EPN1: variants seen among roughly 807,000 people sequenced by gnomAD.
EPN1 encodes epsin-1.
In EPN1, 25 loss-of-function variants were observed where a neutral mutation model predicts 56.9. That is an observed-to-expected ratio of 0.44 (90% CI 0.32 to 0.61). EPN1 has a LOEUF of 0.61. Ranked by LOEUF, EPN1 falls within the 20% of genes least tolerant of loss-of-function variation. The pLI is 0.05. For missense variants in EPN1, 785 were observed against 823.7 expected (o/e 0.95, Z 0.58); for synonymous variants, 411 against 361.8 (o/e 1.14, Z -1.54).
In EPN1 at chr19:55,703,217, C is replaced by T. The variant is rs558214323; in HGVS notation, c.*7861C>T. 1.3e-5 allele frequency: 2 copies of T among 152,520 alleles called. No homozygotes were observed. Among genetic ancestry groups the T allele is most frequent in the East Asian group, 1.9e-4 (1 of 5,178 alleles). The allele number at this position is 152,520 out of a possible 1,614,324, so 9.4% of individuals were successfully genotyped here. A position where few individuals can be genotyped will look rare whatever the true frequency, so the allele number is the denominator to read the frequency against. On this transcript the variant is annotated 3_prime_UTR_variant, in exon 11 of 11. Transcript: ENST00000270460. ...TGTGTGTGGCCACGTGTGTTTCTGT[C>T]CTGGACAACACTGTCCGGAGGGGCC...
chr19:55,684,123 C>T (rs1986010682), intron 2 of EPN1, among the ~76,000 whole-genome samples: 1 of 152,182 alleles, frequency 6.6e-6, no homozygotes, highest in Non-Finnish European at 1.5e-5. Flanking sequence ...TCTCTGATTA[C>T]ACTGTAAATA....
In EPN1 at chr19:55,708,753, A is replaced by C. The variant is rs534607860; in HGVS notation, c.*13397A>C. 3 of 526,204 alleles carry C rather than the reference A, an allele frequency of 5.7e-6. No homozygotes were observed. Among genetic ancestry groups the C allele is most frequent in the South Asian group, 8.0e-5 (2 of 24,890 alleles). 32.6% of individuals were successfully genotyped at this position (526,204 alleles called of 1,614,324 possible). A position where few individuals can be genotyped will look rare whatever the true frequency, so the allele number is the denominator to read the frequency against. Reference sequence around the variant, plus strand: ...CAAAGACAATCAGCATGTACACTGAATCACACTCCATAATCATATTGCTAG... The same window carrying C: ...CAAAGACAATCAGCATGTACACTGACTCACACTCCATAATCATATTGCTAG... On this transcript the variant is annotated 3_prime_UTR_variant, in exon 11 of 11. Coordinates refer to ENST00000270460, the MANE Select transcript of EPN1 (RefSeq NM_001130072.2).
At position 55,702,306 on chromosome 19, in the gene EPN1, G is replaced by A; in HGVS notation, c.*6950G>A. ...TGCAGGCAGGCCCTTCGTTTGTGCT[G>A]CTCTGCGCTGCTGCTTATCTGTGTG... On this transcript the variant is annotated 3_prime_UTR_variant, in exon 11 of 11. Coordinates refer to ENST00000270460, the MANE Select transcript of EPN1 (RefSeq NM_001130072.2). The A allele has an allele frequency of 6.6e-6, 1 of 152,514 alleles. No individual in the cohort carries two copies. Among genetic ancestry groups the A allele is most frequent in the Non-Finnish European group, 1.5e-5 (1 of 68,184 alleles). 9.4% of individuals were successfully genotyped at this position (152,514 alleles called of 1,614,324 possible).
intron 3 of EPN1, among the ~76,000 whole-genome samples, chr19:55,687,090 T>C (rs1986221932): frequency 6.6e-6 from 1 of 152,250 alleles, no homozygotes; most frequent in African/African-American, 2.4e-5. Flanking sequence ...AGTTTTCACG[T>C]GTCTTTTTTA....
At chr19:55,677,165 C>A in intron 1 of EPN1, 7 of 1,551,420 alleles carry the variant, frequency 4.5e-6, no homozygotes, top group Non-Finnish European at 4.4e-6. Context: ...TTCTTGGAGC[C>A]GCATAGATGG....
chr19:55,681,763 T>A (rs1232194873), intron 2 of EPN1, among the ~76,000 whole-genome samples: 1 of 152,176 alleles, frequency 6.6e-6, no homozygotes, highest in Non-Finnish European at 1.5e-5. Context: ...TTGGTTGTTT[T>A]CAGAAAAGCA....
chr19:55,692,158 G>A, intron 7 of EPN1, 101 bp downstream of exon 7: 1 of 1,204,096 alleles, frequency 8.3e-7, no homozygotes, highest in Non-Finnish European at 1.1e-6. Context: ...AGTGGCGCCG[G>A]GCAGTGGTGG....
rs1464245439 is a variant in EPN1 at position 55,699,378 on chromosome 19, A to G, written c.*4022A>G. The G allele has an allele frequency of 6.6e-6, 1 of 152,068 alleles. No individual in the cohort carries two copies. The highest frequency in any genetic ancestry group is 1.5e-5 in the Non-Finnish European group (1 of 68,028). The allele number at this position is 152,068 out of a possible 1,614,324, so 9.4% of individuals were successfully genotyped here. ...CGTGAGCCATTGCGTCCGGCCAGAA[A>G]TGTTTTATTTCTTGAGAACTTGTCT... On this transcript the variant is annotated 3_prime_UTR_variant, in exon 11 of 11. Transcript: ENST00000270460.
intron 8 of EPN1, 48 bp downstream of exon 8, chr19:55,692,844 A>G: frequency 6.3e-7 from 1 of 1,582,378 alleles, no homozygotes; most frequent in Non-Finnish European, 8.6e-7. Context: ...AGTGAGTGGG[A>G]GAAGTTAGTG....
chr19:55,694,013 C>T lies in EPN1; in HGVS notation c.1265-713C>T, dbSNP rs1474949918. 1.3e-5 allele frequency: 2 copies of T among 151,928 alleles called. No individual in the cohort carries two copies. The highest frequency in any genetic ancestry group is 3.9e-4 in the East Asian group (2 of 5,176). The allele number at this position is 151,928 out of a possible 1,614,324, so 9.4% of individuals were successfully genotyped here. A position where few individuals can be genotyped will look rare whatever the true frequency, so the allele number is the denominator to read the frequency against. On this transcript the variant is annotated intron_variant, in intron 9 of 10. Transcript: ENST00000270460. The surrounding 1 kb of genome is among the most constrained non-coding windows in gnomAD (Gnocchi z 4.2). The stretch of plus-strand genomic sequence containing the variant: ...GGTGGATCACCTGAGGTCGGGAGTT[C>T]AAGACCAGCCTGACCACCATGGCCA...
Position 55,695,136 on chromosome 19 carries a change from C to T in EPN1, c.1523-12C>T, listed in dbSNP as rs1230828069. Reference sequence around the variant, plus strand: ...GACTCCACTCCGTGTCTCTGGTTTACTCTTCCTGCAGGAGGCCCAGCCACT... The same window carrying T: ...GACTCCACTCCGTGTCTCTGGTTTATTCTTCCTGCAGGAGGCCCAGCCACT... On this transcript the variant is annotated splice_polypyrimidine_tract_variant and intron_variant, in intron 10 of 10. Transcript: ENST00000270460. This position sits in a 1 kb window ranked among gnomAD's most constrained non-coding sequence, Gnocchi z 4.4. The T allele has an allele frequency of 6.8e-6, 11 of 1,613,570 alleles. No individual in the cohort carries two copies. The East Asian group carries it at 1.8e-4, about 26-fold the overall frequency.
Position 55,678,619 on chromosome 19 carries a change from C to G in EPN1, c.-9C>G, listed in dbSNP as rs781003404. 2 of 1,602,826 alleles carry G rather than the reference C, an allele frequency of 1.2e-6. No individual in the cohort carries two copies. The highest frequency in any genetic ancestry group is 1.1e-5 in the South Asian group (1 of 89,610). ...GGCCCTGTGCCCCTTGCTGCTGCAG[C>G]CGGGCACCATGTCGACCTCGTCCTT... On this transcript the variant is annotated 5_prime_UTR_variant, in exon 2 of 11. Coordinates refer to ENST00000270460, the MANE Select transcript of EPN1 (RefSeq NM_001130072.2).
chr19:55,677,148 CTG>C, intron 1 of EPN1: 1 of 1,551,538 alleles, frequency 6.4e-7, no homozygotes, highest in Non-Finnish European at 8.7e-7. Context: ...AAATCTCCCT[CTG>C]TGGCTTCTTG....
In EPN1 at chr19:55,677,302, A is replaced by G. The variant is rs1019080147; in HGVS notation, c.-101-1225A>G. On this transcript the variant is annotated intron_variant, in intron 1 of 10. Transcript: ENST00000270460. Reference sequence around the variant, plus strand: ...GGCTATGAATCATGGGGTTGTTTCAAGGATTAACTGAGTTAATACATGTAA... The same window carrying G: ...GGCTATGAATCATGGGGTTGTTTCAGGGATTAACTGAGTTAATACATGTAA... 3 of 848,218 alleles carry G rather than the reference A, an allele frequency of 3.5e-6. No homozygotes were observed. The Admixed American group carries it at 6.0e-5, about 17-fold the overall frequency. The allele number at this position is 848,218 out of a possible 1,614,324, so 52.5% of individuals were successfully genotyped here.
rs1167362422 is a variant in EPN1, at chr19:55,696,349, T to G, written c.*993T>G. 2 of 152,430 alleles carry G rather than the reference T, an allele frequency of 1.3e-5. No individual in the cohort carries two copies. The highest frequency in any genetic ancestry group is 2.9e-5 in the Non-Finnish European group (2 of 68,244). The allele number at this position is 152,430 out of a possible 1,614,324, so 9.4% of individuals were successfully genotyped here. On this transcript the variant is annotated 3_prime_UTR_variant, in exon 11 of 11. Coordinates refer to ENST00000270460, the MANE Select transcript of EPN1 (RefSeq NM_001130072.2). ...GGCCGCCTTGTGAGGGGGGTGTTGC[T>G]GTCATCTCCAGGGCTAGGTGACAGC...
chr19:55,676,360 T>A (rs1221870872), intron 1 of EPN1, among the ~76,000 whole-genome samples: 1 of 152,236 alleles, frequency 6.6e-6, no homozygotes, highest in African/African-American at 2.4e-5. Flanking sequence ...TTGAATCAAT[T>A]TAATTTGAAA....
chr19:55,686,148 A>G (rs1348616328), intron 3 of EPN1, among the ~76,000 whole-genome samples: 2 of 152,116 alleles, frequency 1.3e-5, no homozygotes, highest in Admixed American at 6.5e-5. Context: ...GAGGTGGAGG[A>G]CTCAGTCTGG....
chr19:55,689,985 G>T lies in EPN1; in HGVS notation c.762+35G>T, dbSNP rs1259470485. The T allele has an allele frequency of 6.5e-7, 1 of 1,548,790 alleles. No homozygotes were observed. Among genetic ancestry groups the T allele is most frequent in the African/African-American group, 1.4e-5 (1 of 73,876 alleles). ...GCTTGTTCTGCCCTCCCTGGCCCCT[G>T]CAGGTGTCCGTCCGTCCCATCGCTC... On this transcript the variant is annotated intron_variant, in intron 6 of 10. Transcript: ENST00000270460. The surrounding 1 kb of genome is among the most constrained non-coding windows in gnomAD (Gnocchi z 5.7).
chr19:55,683,890 G>C (rs369868929), intron 2 of EPN1, among the ~76,000 whole-genome samples: 1 of 152,324 alleles, frequency 6.6e-6, no homozygotes, highest in African/African-American at 2.4e-5. Context: ...TCCCACAGTA[G>C]TGTGGCTGTT....
Sources: allele counts gnomAD v4.1 joint callset (sites outside exome capture counted in the v4.1 genomes callset), GRCh38; gene constraint gnomAD v4.1.1; non-coding constraint Gnocchi (gnomAD v3.1); transcripts MANE v1.5; gene names NCBI Gene and HGNC (gene_info 2026-07-23, HGNC 2026-07-21).